The following LRRC18 variants were observed in gnomAD, a reference collection of about 807,000 sequenced individuals.
LRRC18 encodes leucine-rich repeat-containing protein 18.
A neutral mutation model predicts 11.2 loss-of-function variants in LRRC18; 12 were observed. That is an observed-to-expected ratio of 1.07 (90% CI 0.69 to 1.74). The LOEUF is 1.74. Ranked by LOEUF, LRRC18 falls within the 40% of genes most tolerant of loss-of-function variation. The probability of loss-of-function intolerance (pLI) is 0.00; values close to 1 mark genes in which losing one functional copy is unlikely to be tolerated. For missense variants in LRRC18, 374 were observed against 330.5 expected (o/e 1.13, Z -1.02); for synonymous variants, 155 against 130.6 (o/e 1.19, Z -1.27).
chr10:48,930,889 C>T, the LRRC18 span, among the ~76,000 whole-genome samples: 7 of 152,102 alleles, frequency 4.6e-5, no homozygotes, highest in East Asian at 1.9e-4. Context: ...TGTTCTCTGG[C>T]ACACATGCAC....
chr10:48,926,820 C>T, the LRRC18 span, among the ~76,000 whole-genome samples: 6 of 152,298 alleles, frequency 3.9e-5, no homozygotes, highest in East Asian at 5.8e-4. Context: ...CATAATGCCA[C>T]GAGCCAGTTC....
At chr10:48,913,539 A>AGAT (rs766459741) in exon 1 of LRRC18, 2 of 1,614,018 alleles carry the variant, frequency 1.2e-6, no homozygotes, top group Non-Finnish European at 1.7e-6. Context: ...AGCCGCACAC[A>AGAT]GATCCTTCTC....
the LRRC18 span, among the ~76,000 whole-genome samples, chr10:48,937,468 C>T: frequency 1.1e-4 from 17 of 152,158 alleles, no homozygotes; most frequent in Non-Finnish European, 1.8e-4. Context: ...TGCTCTGTGC[C>T]AGGCCTAGGG....
At chr10:48,913,336 G>A in intron 1 of LRRC18, 56 bp downstream of exon 3, 1 of 1,538,320 alleles carries the variant, frequency 6.5e-7, no homozygotes, top group Non-Finnish European at 8.8e-7. Flanking sequence ...GTAGCCCACT[G>A]CCCTCTTCCC....
At chr10:48,937,406 T>C in the LRRC18 span, among the ~76,000 whole-genome samples, 31 of 152,344 alleles carry the variant, frequency 2.0e-4, no homozygotes, top group South Asian at 6.4e-3. Flanking sequence ...TGGAGCAAGA[T>C]CTGGTCCTGG....
chr10:48,915,049 A>C (rs1214566437), upstream of LRRC18, among the ~76,000 whole-genome samples: 1 of 152,170 alleles, frequency 6.6e-6, no homozygotes, highest in Non-Finnish European at 1.5e-5. Flanking sequence ...TGGCTTCTGC[A>C]TGCTTGGCTT....
chr10:48,934,095 T>A, the LRRC18 span, among the ~76,000 whole-genome samples: 8 of 152,306 alleles, frequency 5.3e-5, no homozygotes, highest in South Asian at 1.7e-3. Context: ...CTTACAGGCC[T>A]GTCACAGCCC....
chr10:48,932,922 G>A, the LRRC18 span, among the ~76,000 whole-genome samples: 1 of 152,170 alleles, frequency 6.6e-6, no homozygotes, highest in Non-Finnish European at 1.5e-5. Context: ...GGAGGTCAAG[G>A]AGGGGAGGGC....
the LRRC18 span, among the ~76,000 whole-genome samples, chr10:48,927,942 A>G: frequency 6.6e-6 from 1 of 152,242 alleles, no homozygotes; most frequent in African/African-American, 2.4e-5. Flanking sequence ...TGCCTTGTTC[A>G]TCCACCCTAT....
At chr10:48,913,693 G>T in exon 1 of LRRC18, 1 of 1,613,024 alleles carries the variant, frequency 6.2e-7, no homozygotes, top group South Asian at 1.1e-5. Context: ...TTGTTCAGTA[G>T]GTTGTCATGG....
At chr10:48,920,839 A>G in the LRRC18 span, among the ~76,000 whole-genome samples, 1 of 152,214 alleles carries the variant, frequency 6.6e-6, no homozygotes, top group Non-Finnish European at 1.5e-5. Flanking sequence ...CACACAAAAC[A>G]CCCATTGCAT....
exon 2 of LRRC18, chr10:48,910,212 T>G (rs1589855442): frequency 6.3e-7 from 1 of 1,589,226 alleles, no homozygotes; most frequent in East Asian, 2.2e-5. Flanking sequence ...AGCTGAGTAG[T>G]CTTCAAGATT....
At chr10:48,938,258 C>A in the LRRC18 span, among the ~76,000 whole-genome samples, 1 of 152,214 alleles carries the variant, frequency 6.6e-6, no homozygotes. Context: ...TGCATTAGCT[C>A]GGGGTCCCAG....
At chr10:48,910,679 C>T (rs1431886243) in intron 1 of LRRC18, among the ~76,000 whole-genome samples, 3 of 152,222 alleles carry the variant, frequency 2.0e-5, no homozygotes, top group Admixed American at 1.3e-4. Flanking sequence ...ATGTCTCAAT[C>T]CTGGTAAAGT....
At chr10:48,910,953 G>GA (rs1402609217) in intron 1 of LRRC18, 21 of 977,360 alleles carry the variant, frequency 2.1e-5, no homozygotes, top group Non-Finnish European at 2.4e-5. Context: ...CCTAAGGAGG[G>GA]AAAATTAATT....
chr10:48,910,838 G>A, intron 1 of LRRC18: 1 of 855,768 alleles, frequency 1.2e-6, no homozygotes, highest in Non-Finnish European at 1.4e-6. Flanking sequence ...GAAGTGTGCT[G>A]CAGCGGGGAA....
chr10:48,936,306 T>C, the LRRC18 span, among the ~76,000 whole-genome samples: 2 of 152,090 alleles, frequency 1.3e-5, no homozygotes, highest in African/African-American at 4.8e-5. Context: ...TAATTTAATG[T>C]AGACAGCAAA....
chr10:48,924,844 T>G, the LRRC18 span, among the ~76,000 whole-genome samples: 1 of 152,258 alleles, frequency 6.6e-6, no homozygotes, highest in African/African-American at 2.4e-5. Flanking sequence ...TGTCTGGTGC[T>G]TCACACTCAT....
the LRRC18 span, among the ~76,000 whole-genome samples, chr10:48,924,882 C>G: frequency 6.6e-6 from 1 of 152,202 alleles, no homozygotes; most frequent in Non-Finnish European, 1.5e-5. Context: ...TTTAAGCAGA[C>G]TGACTTTGTT....
Sources: allele counts gnomAD v4.1 joint callset (sites outside exome capture counted in the v4.1 genomes callset), GRCh38; gene constraint gnomAD v4.1.1; transcripts MANE v1.5; gene names NCBI Gene and HGNC (gene_info 2026-07-23, HGNC 2026-07-21).